The following SUCLG2 variants were observed in gnomAD, a reference collection of about 807,000 sequenced individuals.
SUCLG2 encodes succinate--CoA ligase [GDP-forming] subunit beta, mitochondrial.
In SUCLG2, 42 loss-of-function variants were observed where a neutral mutation model predicts 47.9. The observed-to-expected ratio is 0.88, with a 90% CI of 0.69 to 1.14. The LOEUF (loss-of-function observed/expected upper bound fraction) is 1.14. Ranked by LOEUF, SUCLG2 falls within the 50% of genes most tolerant of loss-of-function variation. The probability of loss-of-function intolerance (pLI) is 0.00; values close to 1 mark genes in which losing one functional copy is unlikely to be tolerated. For synonymous variants in SUCLG2, 195 were observed against 197.3 expected, an observed-to-expected ratio of 0.99 and a Z score of 0.10; for missense variants, 571 against 525.9, an observed-to-expected ratio of 1.09 and a Z score of -0.84.
rs569576533 is a variant in SUCLG2 at position 67,420,227 on chromosome 3, T to G, written c.1063-19376A>C. The stretch of plus-strand genomic sequence containing the variant: ...TACTATCAAATATAAGTCCAACCAT[T>G]TGTCACAAGTCAGGTATCTCATCTA... On this transcript the variant is annotated intron_variant, in intron 9 of 10. Transcript: ENST00000307227. 1.2e-4 allele frequency among the ~76,000 whole-genome samples: 18 copies of G among 152,284 alleles called. 1 individual carries two copies. In the South Asian group the frequency reaches 3.3e-3, roughly 28 times the overall value.
chr3:67,547,763 T>C (rs1706906995), intron 2 of SUCLG2, among the ~76,000 whole-genome samples: 1 of 152,124 alleles, frequency 6.6e-6, no homozygotes, highest in South Asian at 2.1e-4. Context: ...CTACCAAGTC[T>C]AACAAAGCAG....
rs147436347 is a variant in SUCLG2, at chr3:67,545,318, A to G, written c.227-16132T>C. 5.3e-5 allele frequency among the ~76,000 whole-genome samples: 8 copies of G among 152,310 alleles called. No homozygotes were observed. The East Asian group carries it at 9.7e-4, about 18-fold the overall frequency. On this transcript the variant is annotated intron_variant, in intron 2 of 10. Transcript: ENST00000307227. ...AATTTTAAAGTTTGTAAAGTGGTCA[A>G]TGACATGCTGGAGTTAAGCAGAAGC...
intron 10 of SUCLG2, among the ~76,000 whole-genome samples, chr3:67,381,348 G>C (rs763950942): frequency 2.6e-5 from 4 of 152,162 alleles, no homozygotes; most frequent in Non-Finnish European, 5.9e-5. Flanking sequence ...TATTATTTGA[G>C]TATTTAAGGT....
rs146110411 is a variant in SUCLG2 at position 67,569,515 on chromosome 3, G to A, written c.226+39940C>T. On this transcript the variant is annotated intron_variant, in intron 2 of 10. Transcript: ENST00000307227. Reference sequence around the variant, plus strand: ...TTTGGCCTCAGTGGGCCCAGAGGCAGAGCATCATGGAAACAAAGAGAATTA... The same window carrying A: ...TTTGGCCTCAGTGGGCCCAGAGGCAAAGCATCATGGAAACAAAGAGAATTA... Among the ~76,000 whole-genome samples the A allele has an allele frequency of 4.6e-5, 7 of 152,358 alleles. No homozygotes were observed. In the East Asian group the frequency reaches 1.4e-3, roughly 29 times the overall value.
intron 6 of SUCLG2, among the ~76,000 whole-genome samples, chr3:67,511,854 GGTGT>G (rs1294841399): frequency 1.4e-5 from 2 of 146,684 alleles, no homozygotes; most frequent in Admixed American, 6.7e-5. Flanking sequence ...TGTGTGGGGG[GGTGT>G]GTGTGTGTGT....
intron 9 of SUCLG2, among the ~76,000 whole-genome samples, chr3:67,471,533 A>G (rs1699109869): frequency 6.6e-6 from 1 of 152,168 alleles, no homozygotes; most frequent in Admixed American, 6.6e-5. Flanking sequence ...AGTTACAGGG[A>G]AAGTAGCCAG....
At chr3:67,425,836 A>G (rs1341999419) in intron 9 of SUCLG2, among the ~76,000 whole-genome samples, 1 of 152,236 alleles carries the variant, frequency 6.6e-6, no homozygotes, top group Non-Finnish European at 1.5e-5. Context: ...TTCACTGGAC[A>G]CCATGATACT....
chr3:67,429,891 A>T (rs895371791), intron 9 of SUCLG2, among the ~76,000 whole-genome samples: 1 of 152,242 alleles, frequency 6.6e-6, no homozygotes, highest in Non-Finnish European at 1.5e-5. Context: ...ATTCAACAAG[A>T]AGAGCTAAGT....
chr3:67,479,346 G>GT (rs765662276), intron 9 of SUCLG2, among the ~76,000 whole-genome samples: 1 of 151,864 alleles, frequency 6.6e-6, no homozygotes, highest in Non-Finnish European at 1.5e-5. Context: ...AAAAGCAGTG[G>GT]TTTTTTCATT....
chr3:67,592,053 G>C (rs1463339707), intron 2 of SUCLG2, among the ~76,000 whole-genome samples: 2 of 152,252 alleles, frequency 1.3e-5, no homozygotes, highest in African/African-American at 4.8e-5. Context: ...ATTTAATGAG[G>C]ACTCAGCAAC....
At position 67,654,576 on chromosome 3, in the gene SUCLG2, G is replaced by A. The variant is rs754425260; in HGVS notation, c.11C>T (p.Pro4Leu). MAS[P>L]VAAQAGKLLR... ...AAGCTTCCCGGCCTGCGCTGCTACG[G>A]GGGACGCCATCTTAAACAGGAAACT... The change falls in exon 1 of 11, where the codon CCC (proline) becomes CTC (leucine). Residue 4 changes from proline to leucine, a missense_variant. Coordinates refer to ENST00000307227, the MANE Select transcript of SUCLG2 (RefSeq NM_003848.4). 7.1e-6 allele frequency: 9 copies of A among 1,274,896 alleles called. No homozygotes were observed. The highest frequency in any genetic ancestry group is 3.0e-5 in the African/African-American group (2 of 65,806). The allele number at this position is 1,274,896 out of a possible 1,614,324, so 79.0% of individuals were successfully genotyped here.
At chr3:67,512,186 T>C (rs1705810931) in intron 6 of SUCLG2, among the ~76,000 whole-genome samples, 1 of 151,214 alleles carries the variant, frequency 6.6e-6, no homozygotes, top group East Asian at 1.9e-4. Context: ...GTCACTCTTA[T>C]ATGGCTTCTG....
At chr3:67,587,363 A>G (rs887032094) in intron 2 of SUCLG2, among the ~76,000 whole-genome samples, 1 of 152,274 alleles carries the variant, frequency 6.6e-6, no homozygotes, top group African/African-American at 2.4e-5. Context: ...TGGAATAAAT[A>G]AAGTATTAAG....
Position 67,484,663 on chromosome 3 carries a change from T to G in SUCLG2, c.1062+11135A>C, listed in dbSNP as rs745905462. Among the ~76,000 whole-genome samples, 72 of 152,118 alleles carry G rather than the reference T, an allele frequency of 4.7e-4. 1 individual carries two copies. The highest frequency in any genetic ancestry group is 2.0e-4 in the Admixed American group (3 of 15,280). ...AACAAACTATAATATTTCTGAGCAA[T>G]TTTACAGAATTTTTAAAAAGAAGTG... On this transcript the variant is annotated intron_variant, in intron 9 of 10. Coordinates refer to ENST00000307227, the MANE Select transcript of SUCLG2 (RefSeq NM_003848.4).
chr3:67,365,451 T>C (rs1269400624), intron 10 of SUCLG2, among the ~76,000 whole-genome samples: 1 of 152,224 alleles, frequency 6.6e-6, no homozygotes, highest in Non-Finnish European at 1.5e-5. Context: ...ACAGTAACAG[T>C]GTTAGACAGT....
intron 10 of SUCLG2, among the ~76,000 whole-genome samples, chr3:67,398,734 C>T (rs1200163313): frequency 6.6e-6 from 1 of 152,094 alleles, no homozygotes; most frequent in African/African-American, 2.4e-5. Flanking sequence ...ATGTTTATTG[C>T]AGCACTATTC....
At chr3:67,473,293 C>T (rs1640906186) in intron 9 of SUCLG2, among the ~76,000 whole-genome samples, 1 of 152,152 alleles carries the variant, frequency 6.6e-6, no homozygotes, top group Admixed American at 6.5e-5. Flanking sequence ...GTTTCTCCCA[C>T]CTAGCTTGAT....
intron 2 of SUCLG2, among the ~76,000 whole-genome samples, chr3:67,533,392 T>A (rs922962358): frequency 7.9e-5 from 12 of 152,220 alleles, no homozygotes; most frequent in African/African-American, 2.9e-4. Flanking sequence ...AACTGATTTC[T>A]GTGGTTCACT....
chr3:67,528,789 T>C (rs1706322740), intron 3 of SUCLG2, among the ~76,000 whole-genome samples: 1 of 152,136 alleles, frequency 6.6e-6, no homozygotes, highest in Non-Finnish European at 1.5e-5. Flanking sequence ...GGAGTGACAT[T>C]ATGGAAGTAG....
Sources: gnomAD v4.1 joint callset for allele counts (sites outside exome capture counted in the v4.1 genomes callset) on GRCh38, gnomAD v4.1.1 for gene constraint, MANE v1.5 for transcripts, NCBI Gene and HGNC (gene_info 2026-07-23, HGNC 2026-07-21) for gene names.